Variants in KCNIP4 observed in about 807,000 individuals in gnomAD.
KCNIP4 encodes the protein potassium voltage-gated channel interacting protein 4.
In KCNIP4, 12 loss-of-function variants were observed where a neutral mutation model predicts 34.0. The observed-to-expected ratio is 0.35, with a 90% CI of 0.23 to 0.57. The LOEUF is 0.57. KCNIP4 is among the 20% of genes least tolerant of loss of function. The pLI, the probability that KCNIP4 is intolerant of heterozygous loss-of-function variation, is 0.83. For missense variants in KCNIP4, 238 were observed against 311.7 expected (o/e 0.76, Z 1.78); for synonymous variants, 124 against 102.2 (o/e 1.21, Z -1.29).
At chr4:20,797,715 A>G (rs1305782663) in intron 3 of KCNIP4, among the ~76,000 whole-genome samples, 1 of 152,190 alleles carries the variant, frequency 6.6e-6, no homozygotes, top group African/African-American at 2.4e-5. Context: ...GAGCAAGGAA[A>G]GTGTGCAGTA....
At chr4:21,449,314 T>C (rs1577378216) in intron 1 of KCNIP4, among the ~76,000 whole-genome samples, 1 of 152,174 alleles carries the variant, frequency 6.6e-6, no homozygotes, top group African/African-American at 2.4e-5. Context: ...CCTATGCTGG[T>C]CCCACCATTT....
chr4:21,327,329 C>G (rs1715187618), intron 1 of KCNIP4, among the ~76,000 whole-genome samples: 1 of 152,016 alleles, frequency 6.6e-6, no homozygotes, highest in Non-Finnish European at 1.5e-5. Context: ...ATTTGCTATT[C>G]TAGGATAAAT....
chr4:21,315,759 T>A (rs1713680555), intron 1 of KCNIP4, among the ~76,000 whole-genome samples: 1 of 152,212 alleles, frequency 6.6e-6, no homozygotes, highest in African/African-American at 2.4e-5. Flanking sequence ...GTCACAATTC[T>A]GTGAAGCCTC....
At chr4:21,493,544 A>G (rs1732588320) in intron 1 of KCNIP4, among the ~76,000 whole-genome samples, 1 of 152,130 alleles carries the variant, frequency 6.6e-6, no homozygotes, top group South Asian at 2.1e-4. Flanking sequence ...GCTCTCCTCA[A>G]ATTGTGTCTT....
intron 1 of KCNIP4, among the ~76,000 whole-genome samples, chr4:21,626,394 T>C (rs1745323778): frequency 6.6e-6 from 1 of 151,852 alleles, no homozygotes; most frequent in Non-Finnish European, 1.5e-5. Context: ...TTTTTGTTTT[T>C]TTTTCACCCC....
chr4:20,948,105 CT>C (rs1732386747), intron 1 of KCNIP4, among the ~76,000 whole-genome samples: 2 of 152,196 alleles, frequency 1.3e-5, no homozygotes, highest in African/African-American at 4.8e-5. Context: ...ACTCCTGCTT[CT>C]GAGGCAACAC....
At chr4:21,618,888 C>A (rs1340103819) in intron 1 of KCNIP4, among the ~76,000 whole-genome samples, 1 of 152,020 alleles carries the variant, frequency 6.6e-6, no homozygotes, top group Non-Finnish European at 1.5e-5. Context: ...CCACCACAGC[C>A]TCCCAAAGTT....
intron 3 of KCNIP4, among the ~76,000 whole-genome samples, chr4:20,792,959 A>G (rs1413595317): frequency 6.6e-6 from 1 of 152,196 alleles, no homozygotes; most frequent in African/African-American, 2.4e-5. Flanking sequence ...ACTTTCATGT[A>G]CATCTAATGA....
chr4:20,924,164 T>C (rs1479488799), intron 1 of KCNIP4, among the ~76,000 whole-genome samples: 2 of 152,216 alleles, frequency 1.3e-5, no homozygotes, highest in African/African-American at 4.8e-5. Context: ...ATAAACAGTC[T>C]TGAAGCTTTT....
chr4:21,861,011 A>G (rs761446762), intron 1 of KCNIP4, among the ~76,000 whole-genome samples: 4 of 152,230 alleles, frequency 2.6e-5, no homozygotes, highest in Non-Finnish European at 5.9e-5. Flanking sequence ...CCAGAGCAGA[A>G]CAAACTATTC....
intron 1 of KCNIP4, among the ~76,000 whole-genome samples, chr4:21,383,512 A>AC (rs1203205822): frequency 6.6e-6 from 1 of 151,886 alleles, no homozygotes; most frequent in East Asian, 1.9e-4. Context: ...AAAAAAAAAA[A>AC]AAAAGAGGGT....
In KCNIP4 at chr4:21,021,872, A is replaced by G. The variant is rs891343802; in HGVS notation, c.62-139163T>C. Among the ~76,000 whole-genome samples the G allele has an allele frequency of 4.2e-5, 6 of 144,426 alleles. 1 individual carries two copies. The highest frequency in any genetic ancestry group is 3.4e-4 in the Admixed American group (5 of 14,748). 94.7% of individuals were successfully genotyped at this position (144,426 alleles called of 152,430 possible). A position where few individuals can be genotyped will look rare whatever the true frequency, so the allele number is the denominator to read the frequency against. Reference sequence around the variant, plus strand: ...AAAGTATAGTATCGTATAGTATAGTATAGTATAGTATAGTATAGTATAGTA... The same window carrying G: ...AAAGTATAGTATCGTATAGTATAGTGTAGTATAGTATAGTATAGTATAGTA... On this transcript the variant is annotated intron_variant, in intron 1 of 8. Coordinates refer to ENST00000382152, the MANE Select transcript of KCNIP4 (RefSeq NM_025221.6).
chr4:20,939,201 T>C (rs1236303209), intron 1 of KCNIP4, among the ~76,000 whole-genome samples: 1 of 152,092 alleles, frequency 6.6e-6, no homozygotes. Context: ...ATATCATCCT[T>C]GATCTCACTC....
chr4:20,851,865 C>CCA, intron 2 of KCNIP4, among the ~76,000 whole-genome samples: 2 of 152,264 alleles, frequency 1.3e-5, no homozygotes, highest in East Asian at 3.9e-4. Flanking sequence ...TGATAATGTT[C>CCA]ACTAAGGATT....
intron 1 of KCNIP4, among the ~76,000 whole-genome samples, chr4:21,680,720 TGACTA>T (rs1750279560): frequency 6.6e-6 from 1 of 152,220 alleles, no homozygotes; most frequent in Non-Finnish European, 1.5e-5. Context: ...AGCTCTTGAA[TGACTA>T]GGCGCATTGT....
intron 1 of KCNIP4, among the ~76,000 whole-genome samples, chr4:20,970,087 G>A (rs572868533): frequency 9.9e-5 from 15 of 151,942 alleles, no homozygotes; most frequent in East Asian, 1.9e-4. Context: ...GACTACAGGC[G>A]CCCGCCACCA....
At chr4:20,997,334 A>G (rs2149713193) in intron 1 of KCNIP4, among the ~76,000 whole-genome samples, 1 of 152,332 alleles carries the variant, frequency 6.6e-6, no homozygotes, top group South Asian at 2.1e-4. Context: ...AAACCAGCAA[A>G]GCTGCAAAGC....
chr4:21,139,032 TTC>T (rs766550395), intron 1 of KCNIP4, among the ~76,000 whole-genome samples: 2 of 152,248 alleles, frequency 1.3e-5, no homozygotes, highest in Non-Finnish European at 1.5e-5. Context: ...TGGTAATTGA[TTC>T]CAGTAGCCAT....
At chr4:21,297,258 G>C (rs773472186) in intron 1 of KCNIP4, among the ~76,000 whole-genome samples, 1 of 151,788 alleles carries the variant, frequency 6.6e-6, no homozygotes, top group Non-Finnish European at 1.5e-5. Context: ...TCATCTGTGG[G>C]GTATCTGAAC....
Sources: gnomAD v4.1 joint callset for allele counts (sites outside exome capture counted in the v4.1 genomes callset) on GRCh38, gnomAD v4.1.1 for gene constraint, MANE v1.5 for transcripts, NCBI Gene and HGNC (gene_info 2026-07-23, HGNC 2026-07-21) for gene names.